The following PCNX2 variants were observed in gnomAD, a reference collection of about 807,000 sequenced individuals.
PCNX2 encodes the protein pecanex 2, also known as pecanex-like protein 2.
PCNX2 carries 168 observed loss-of-function variants against 223.8 expected under a neutral mutation model. The ratio of observed to expected loss-of-function variants is 0.75; its 90% CI spans 0.66 to 0.85. The LOEUF is 0.85. Among genes scored for constraint, PCNX2 ranks in the 40% least tolerant of loss-of-function variants. The pLI is 0.00. For missense variants in PCNX2, 2,507 were observed against 2,675.5 expected (o/e 0.94, Z 1.39); for synonymous variants, 1,006 against 1,052.6 (o/e 0.96, Z 0.86).
chr1:233,155,654 A>G (rs1360762876), intron 19 of PCNX2, among the ~76,000 whole-genome samples: 1 of 152,178 alleles, frequency 6.6e-6, no homozygotes, highest in Non-Finnish European at 1.5e-5. Context: ...TCATAATATT[A>G]TGGAAACATT....
chr1:233,015,619 G>A (rs1435289050), intron 27 of PCNX2, among the ~76,000 whole-genome samples: 10 of 152,132 alleles, frequency 6.6e-5, no homozygotes, highest in Non-Finnish European at 1.0e-4. Context: ...CTGGAACCCG[G>A]GGGGCAGAGG....
chr1:233,093,839 T>TA (rs1674011529), intron 22 of PCNX2, among the ~76,000 whole-genome samples: 1 of 152,310 alleles, frequency 6.6e-6, no homozygotes, highest in South Asian at 2.1e-4. Flanking sequence ...AAATGCCCAA[T>TA]AAAATCTGCA....
intron 13 of PCNX2, chr1:233,202,182 T>C: frequency 2.1e-6 from 1 of 466,918 alleles, no homozygotes; most frequent in Non-Finnish European, 4.4e-6. Flanking sequence ...ACACTTGAAA[T>C]TGCTGAAATT....
intron 15 of PCNX2, among the ~76,000 whole-genome samples, chr1:233,179,880 G>A (rs1206720336): frequency 6.6e-6 from 1 of 152,168 alleles, no homozygotes; most frequent in Admixed American, 6.5e-5. Flanking sequence ...CTTCTTCTTT[G>A]TTCTCCCTTG....
chr1:233,215,649 C>T (rs1002176831), intron 12 of PCNX2, among the ~76,000 whole-genome samples: 7 of 152,168 alleles, frequency 4.6e-5, no homozygotes, highest in Admixed American at 3.9e-4. Flanking sequence ...GAACACCCCT[C>T]CCCAGAGTCA....
rs149770718 is a variant in PCNX2 at position 232,997,308 on chromosome 1, C to T, written c.5791+943G>A. ...ACATATATCCTCTCTTTCTCTCTCT[C>T]ATATCTTGCTCATGTTTGCATACAT... On this transcript the variant is annotated intron_variant, in intron 32 of 33. Transcript: ENST00000258229. Among the ~76,000 whole-genome samples, 223 of 152,294 alleles carry T rather than the reference C, an allele frequency of 1.5e-3. 1 individual carries two copies. Among genetic ancestry groups the T allele is most frequent in the African/African-American group, 5.1e-3 (214 of 41,568 alleles).
chr1:233,095,570 T>A (rs1448043234), intron 22 of PCNX2, 185 bp downstream of exon 22: 3 of 611,164 alleles, frequency 4.9e-6, no homozygotes, highest in Non-Finnish European at 8.8e-6. Context: ...CAGGAAGAGT[T>A]CAAAATAAAG....
chr1:233,302,182 A>T, the PCNX2 span, among the ~76,000 whole-genome samples: 1 of 152,190 alleles, frequency 6.6e-6, no homozygotes, highest in African/African-American at 2.4e-5. Context: ...AGAATAACCA[A>T]ATCAGATGAA....
intron 9 of PCNX2, among the ~76,000 whole-genome samples, chr1:233,236,514 A>G (rs968541937): frequency 6.6e-6 from 1 of 152,120 alleles, no homozygotes; most frequent in Non-Finnish European, 1.5e-5. Flanking sequence ...TTTCCAAACC[A>G]TGGGAGAAAA....
chr1:233,208,336 T>C, intron 13 of PCNX2, among the ~76,000 whole-genome samples, 182 bp downstream of exon 13: 1 of 152,156 alleles, frequency 6.6e-6, no homozygotes, highest in Non-Finnish European at 1.5e-5. Context: ...TAAAAATAAT[T>C]CCATAGTTGG....
chr1:233,011,719 T>C (rs917501928), intron 28 of PCNX2, among the ~76,000 whole-genome samples: 1 of 152,126 alleles, frequency 6.6e-6, no homozygotes, highest in Non-Finnish European at 1.5e-5. Context: ...GAAGAATTCA[T>C]CCACCTGCCT....
intron 15 of PCNX2, among the ~76,000 whole-genome samples, chr1:233,187,695 T>C (rs1680184561): frequency 6.6e-6 from 1 of 152,142 alleles, no homozygotes; most frequent in Non-Finnish European, 1.5e-5. Flanking sequence ...CAGCAGTAAC[T>C]AGGTTTGAGG....
In PCNX2 at chr1:233,001,682, C is replaced by A; in HGVS notation, c.4953-1G>T. The A allele has an allele frequency of 1.3e-6, 2 of 1,567,402 alleles. No homozygotes were observed. The highest frequency in any genetic ancestry group is 1.7e-6 in the Non-Finnish European group (2 of 1,155,580). ...GAGGCCATACAGGAAAGAATCCAGG[C>A]TGCAAAACAAAGTCCTATTACTATG... On this transcript the variant is annotated splice_acceptor_variant, in intron 28 of 33. Transcript: ENST00000258229. LOFTEE classifies it high-confidence loss of function. The surrounding 1 kb of genome is among the most constrained non-coding windows in gnomAD (Gnocchi z 4.2).
At chr1:233,268,146 A>C (rs1204197133) in intron 1 of PCNX2, among the ~76,000 whole-genome samples, 1 of 152,240 alleles carries the variant, frequency 6.6e-6, no homozygotes, top group Non-Finnish European at 1.5e-5. Flanking sequence ...TCCCAACCTC[A>C]GGTGATCCAC....
intron 25 of PCNX2, among the ~76,000 whole-genome samples, chr1:233,046,908 G>C (rs1237988305): frequency 6.6e-6 from 1 of 152,222 alleles, no homozygotes; most frequent in Non-Finnish European, 1.5e-5. Context: ...CTTGGGAATG[G>C]CTTTTACCAC....
chr1:233,097,816 G>A (rs903774675), intron 21 of PCNX2, among the ~76,000 whole-genome samples: 4 of 152,136 alleles, frequency 2.6e-5, no homozygotes, highest in Middle Eastern at 3.2e-3. Context: ...GAAGAGACAC[G>A]ATTTGCATTA....
At chr1:233,188,512 G>C (rs1680233691) in intron 15 of PCNX2, among the ~76,000 whole-genome samples, 1 of 152,020 alleles carries the variant, frequency 6.6e-6, no homozygotes, top group Admixed American at 6.6e-5. Flanking sequence ...TTTTAGGTCA[G>C]ACCCACTCAG....
intron 19 of PCNX2, among the ~76,000 whole-genome samples, chr1:233,153,197 TA>T (rs1677921943): frequency 6.6e-6 from 1 of 152,310 alleles, no homozygotes; most frequent in South Asian, 2.1e-4. Context: ...TGAAGTAGAA[TA>T]AAACACTTTG....
chr1:233,139,614 C>T lies in PCNX2; in HGVS notation c.3659+100G>A, dbSNP rs374457782. ...TTATTTTTACATGGCCAATCACAGT[C>T]GGTAAAGGTTGGCTTCTTCTGCAGA... On this transcript the variant is annotated intron_variant, in intron 20 of 33. Transcript: ENST00000258229. The surrounding 1 kb of genome is among the most constrained non-coding windows in gnomAD (Gnocchi z 4.4). The T allele has an allele frequency of 3.8e-5, 52 of 1,358,590 alleles. 1 individual carries two copies. In the African/African-American group the frequency reaches 5.3e-4, roughly 14 times the overall value. 84.2% of individuals were successfully genotyped at this position (1,358,590 alleles called of 1,614,324 possible). A position where few individuals can be genotyped will look rare whatever the true frequency, so the allele number is the denominator to read the frequency against.
Sources: allele counts gnomAD v4.1 joint callset (sites outside exome capture counted in the v4.1 genomes callset), GRCh38; gene constraint gnomAD v4.1.1; non-coding constraint Gnocchi (gnomAD v3.1); transcripts MANE v1.5; gene names NCBI Gene and HGNC (gene_info 2026-07-23, HGNC 2026-07-21).